Variants in ZNF385B observed in about 807,000 individuals in gnomAD.
ZNF385B encodes the protein zinc finger protein 533.
In ZNF385B, 23 loss-of-function variants were observed where a neutral mutation model predicts 39.2. That is an observed-to-expected ratio of 0.59 (90% confidence interval 0.42 to 0.83). The LOEUF is 0.83. Ranked by LOEUF, ZNF385B falls within the 40% of genes least tolerant of loss-of-function variation. The pLI is 0.00. For synonymous variants in ZNF385B, 205 were observed against 222.6 expected (o/e 0.92, Z 0.70); for missense variants, 552 against 598.9 (o/e 0.92, Z 0.82).
At chr2:179,631,038 G>A (rs971489675) in intron 3 of ZNF385B, among the ~76,000 whole-genome samples, 1 of 152,184 alleles carries the variant, frequency 6.6e-6, no homozygotes, top group Non-Finnish European at 1.5e-5. Flanking sequence ...CCAAATCTAC[G>A]TTTGATTGGT....
intron 3 of ZNF385B, among the ~76,000 whole-genome samples, chr2:179,626,441 G>A (rs954986853): frequency 1.3e-5 from 2 of 152,120 alleles, no homozygotes; most frequent in African/African-American, 4.8e-5. Context: ...TCCAAAATAC[G>A]TAGATTTATG....
chr2:179,517,995 A>G (rs1314148162), intron 5 of ZNF385B, among the ~76,000 whole-genome samples: 1 of 152,180 alleles, frequency 6.6e-6, no homozygotes, highest in Non-Finnish European at 1.5e-5. Context: ...AAATGTGGCA[A>G]TTGATATCAA....
intron 1 of ZNF385B, among the ~76,000 whole-genome samples, chr2:179,781,035 C>T (rs1462814687): frequency 6.6e-6 from 1 of 152,152 alleles, no homozygotes; most frequent in African/African-American, 2.4e-5. Flanking sequence ...AATTACTTTG[C>T]ATTTTCATAT....
chr2:179,842,900 G>A (rs1708610678), intron 1 of ZNF385B, among the ~76,000 whole-genome samples: 2 of 152,292 alleles, frequency 1.3e-5, no homozygotes, highest in East Asian at 3.9e-4. Context: ...GAAACTGATG[G>A]ACTAAAGGCC....
At chr2:179,559,989 TA>T (rs559984611) in intron 3 of ZNF385B, among the ~76,000 whole-genome samples, 1 of 152,184 alleles carries the variant, frequency 6.6e-6, no homozygotes, top group Non-Finnish European at 1.5e-5. Context: ...TTTGACATTT[TA>T]AAAAAGTCTA....
chr2:179,443,423 C>T lies in ZNF385B; in HGVS notation c.1288G>A (p.Ala430Thr), dbSNP rs1411651613. 5 of 1,609,964 alleles carry T rather than the reference C, an allele frequency of 3.1e-6. No individual in the cohort carries two copies. Among genetic ancestry groups the T allele is most frequent in the Admixed American group, 3.4e-5 (2 of 59,344 alleles). ...GCTGCGAGAGGTGAGGACAGGAAGG[C>T]TGGGGCCAAAGGCTTCATCATATCT... ...QKDMMKPLAP[A>T]FLSSPLAAAA... Residue 430 changes from alanine (A) to threonine (T), a missense_variant, in exon 10 of 10, where the codon GCC (alanine) becomes ACC (threonine). Physicochemically the swap from Ala to Thr is moderately conservative, Grantham distance 58. Transcript: ENST00000410066.
chr2:179,664,697 A>C (rs1038397170), intron 3 of ZNF385B, among the ~76,000 whole-genome samples: 4 of 152,194 alleles, frequency 2.6e-5, no homozygotes, highest in African/African-American at 9.6e-5. Flanking sequence ...GATATAAGAA[A>C]ATGTACATAC....
intron 4 of ZNF385B, among the ~76,000 whole-genome samples, chr2:179,527,528 A>G (rs1322726122): frequency 6.8e-6 from 1 of 147,840 alleles, no homozygotes; most frequent in African/African-American, 2.5e-5. Flanking sequence ...TTTTCTGGTC[A>G]TTTTTTTTTT....
intron 5 of ZNF385B, among the ~76,000 whole-genome samples, chr2:179,493,269 T>C (rs78765099): frequency 6.6e-6 from 1 of 152,054 alleles, no homozygotes; most frequent in South Asian, 2.1e-4. Context: ...GAGCTTATAA[T>C]CTTGTGTAGA....
intron 6 of ZNF385B, among the ~76,000 whole-genome samples, chr2:179,466,784 G>T (rs773570933): frequency 6.6e-6 from 1 of 151,708 alleles, no homozygotes; most frequent in Non-Finnish European, 1.5e-5. Context: ...AGCCAGGTAT[G>T]GTGGCACACA....
intron 5 of ZNF385B, among the ~76,000 whole-genome samples, chr2:179,490,049 A>G (rs951747271): frequency 5.3e-5 from 8 of 152,158 alleles, no homozygotes; most frequent in Non-Finnish European, 8.8e-5. Flanking sequence ...TATCTTCTGG[A>G]TTGTGCCAGG....
At chr2:179,478,262 A>T (rs1365546251) in intron 6 of ZNF385B, among the ~76,000 whole-genome samples, 1 of 147,670 alleles carries the variant, frequency 6.8e-6, no homozygotes, top group Admixed American at 6.7e-5. Flanking sequence ...GACAATAAAA[A>T]ACATCACTAG....
At chr2:179,563,029 A>T (rs1241892843) in intron 3 of ZNF385B, among the ~76,000 whole-genome samples, 1 of 152,174 alleles carries the variant, frequency 6.6e-6, no homozygotes, top group Non-Finnish European at 1.5e-5. Context: ...ATGGATTTTT[A>T]GGTTTTAAAT....
At chr2:179,654,587 T>C (rs960188388) in intron 3 of ZNF385B, among the ~76,000 whole-genome samples, 1 of 152,204 alleles carries the variant, frequency 6.6e-6, no homozygotes, top group Non-Finnish European at 1.5e-5. Flanking sequence ...GAATACCATA[T>C]TAATTCTTCA....
At chr2:179,676,102 T>C (rs187841014) in intron 3 of ZNF385B, among the ~76,000 whole-genome samples, 287 of 151,124 alleles carry the variant, frequency 1.9e-3, no homozygotes, top group African/African-American at 6.5e-3. Flanking sequence ...GTATTTTTTT[T>C]CTTTGAGACG....
At chr2:179,608,735 C>A (rs554703198) in intron 3 of ZNF385B, among the ~76,000 whole-genome samples, 1 of 152,044 alleles carries the variant, frequency 6.6e-6, no homozygotes, top group African/African-American at 2.4e-5. Flanking sequence ...TTTTAACAAG[C>A]CCCTAAGTGA....
At chr2:179,643,192 A>G (rs1041021925) in intron 3 of ZNF385B, among the ~76,000 whole-genome samples, 4 of 151,900 alleles carry the variant, frequency 2.6e-5, no homozygotes, top group African/African-American at 4.8e-5. Flanking sequence ...AATAACTAGT[A>G]TTCACCACAG....
intron 3 of ZNF385B, among the ~76,000 whole-genome samples, chr2:179,668,578 C>G (rs1274404983): frequency 6.7e-6 from 1 of 150,140 alleles, no homozygotes; most frequent in Non-Finnish European, 1.5e-5. Flanking sequence ...GTGTTTTGCT[C>G]TACAAGTTCA....
At chr2:179,690,949 T>C (rs1273728345) in intron 3 of ZNF385B, among the ~76,000 whole-genome samples, 1 of 152,180 alleles carries the variant, frequency 6.6e-6, no homozygotes, top group Non-Finnish European at 1.5e-5. Context: ...GAACACTGAT[T>C]TAGATCTAGA....
Sources: gnomAD v4.1 joint callset for allele counts (sites outside exome capture counted in the v4.1 genomes callset) on GRCh38, gnomAD v4.1.1 for gene constraint, MANE v1.5 for transcripts, NCBI Gene and HGNC (gene_info 2026-07-23, HGNC 2026-07-21) for gene names.